MTMR8: variants seen among roughly 807,000 people sequenced by gnomAD.
MTMR8 encodes myotubularin related protein 8.
In MTMR8, 65 loss-of-function variants were observed where a neutral mutation model predicts 39.3. The ratio of observed to expected loss-of-function variants is 1.65; its 90% confidence interval spans 1.35 to 2.03. MTMR8 has a LOEUF of 2.03. Among genes scored for constraint, MTMR8 ranks in the 30% most tolerant of loss-of-function variants. MTMR8 has a pLI of 0.00. For missense variants in MTMR8, 777 were observed against 538.9 expected, an observed-to-expected ratio of 1.44 and a Z score of -4.37; for synonymous variants, 245 against 185.2, an observed-to-expected ratio of 1.32 and a Z score of -2.62.
At chrX:64,331,443 ATTG>A (rs1922935992) in intron 11 of MTMR8, 111 bp downstream of exon 11, 1 of 614,069 alleles carries the variant, frequency 1.6e-6, no homozygotes, top group Middle Eastern at 4.8e-4. Context: ...TCTTTTTATT[ATTG>A]TTATCTCCTC....
intron 8 of MTMR8, 32 bp downstream of exon 8, chrX:64,343,579 T>A: frequency 1.1e-6 from 1 of 933,197 alleles, no homozygotes; most frequent in Non-Finnish European, 1.5e-6. Flanking sequence ...ATAATTAAAG[T>A]CAGTGCAAAT....
At chrX:64,325,976 G>C (rs1246302539) in intron 12 of MTMR8, among the ~76,000 whole-genome samples, 1 of 111,584 alleles carries the variant, frequency 9.0e-6, no homozygotes, top group Non-Finnish European at 1.9e-5. Context: ...TTAACTACCA[G>C]TAGCCCACTG....
At chrX:64,285,416 A>G (rs1403713853) in intron 12 of MTMR8, among the ~76,000 whole-genome samples, 1 of 111,285 alleles carries the variant, frequency 9.0e-6, no homozygotes, top group Non-Finnish European at 1.9e-5. Flanking sequence ...CAGATCAACG[A>G]GACAGAAAGT....
intron 3 of MTMR8, among the ~76,000 whole-genome samples, chrX:64,355,176 C>A (rs1416684142): frequency 1.8e-5 from 2 of 111,522 alleles, no homozygotes; most frequent in Non-Finnish European, 3.8e-5. Flanking sequence ...GATCTTTCTG[C>A]CTGGCTTCCT....
At chrX:64,371,381 G>A (rs936155596) in intron 1 of MTMR8, among the ~76,000 whole-genome samples, 3 of 111,804 alleles carry the variant, frequency 2.7e-5, no homozygotes, top group Non-Finnish European at 5.7e-5. Context: ...TATTTTATAC[G>A]TATTAAATTT....
intron 1 of MTMR8, among the ~76,000 whole-genome samples, chrX:64,367,309 AAG>A (rs1923994855): frequency 8.9e-6 from 1 of 112,054 alleles, no homozygotes; most frequent in Non-Finnish European, 1.9e-5. Context: ...ACAACAAAAA[AAG>A]AGAATTTTAG....
At chrX:64,392,155 C>T (rs1458996304) in intron 1 of MTMR8, among the ~76,000 whole-genome samples, 2 of 111,401 alleles carry the variant, frequency 1.8e-5, no homozygotes, top group Non-Finnish European at 3.8e-5. Context: ...ATACATAGGT[C>T]GTGGGAATGT....
chrX:64,288,128 C>T (rs774621584), intron 12 of MTMR8, among the ~76,000 whole-genome samples: 1 of 102,816 alleles, frequency 9.7e-6, no homozygotes, highest in African/African-American at 3.5e-5. Context: ...CGGCTAACAT[C>T]CAGAATCTAA....
chrX:64,287,506 A>G (rs1921229430), intron 12 of MTMR8, among the ~76,000 whole-genome samples: 1 of 111,414 alleles, frequency 9.0e-6, no homozygotes, highest in African/African-American at 3.3e-5. Context: ...CCGCATTGCC[A>G]AGTCAATCCT....
intron 12 of MTMR8, 32 bp from the exon 13 acceptor site, chrX:64,271,105 G>A (rs1216472639): frequency 1.7e-6 from 2 of 1,163,004 alleles, no homozygotes; most frequent in Non-Finnish European, 2.3e-6. Context: ...GGAAAAGTGG[G>A]TTAGTTTAGC....
chrX:64,387,486 C>T (rs1924590140), intron 1 of MTMR8, among the ~76,000 whole-genome samples: 1 of 110,796 alleles, frequency 9.0e-6, no homozygotes, highest in African/African-American at 3.3e-5. Flanking sequence ...AGTATGTCTC[C>T]CAAAGGCAGG....
chrX:64,370,397 C>T (rs141542800), intron 1 of MTMR8, among the ~76,000 whole-genome samples: 1,218 of 109,181 alleles, frequency 0.011, 6 homozygotes, highest in Non-Finnish European at 0.017. Context: ...AAAGGAAAGG[C>T]GAGATGCTTG....
At chrX:64,395,193 G>T (rs960200874) in intron 1 of MTMR8, 147 bp downstream of exon 1, 16 of 573,650 alleles carry the variant, frequency 2.8e-5, no homozygotes, top group Middle Eastern at 6.9e-4. Flanking sequence ...TTGAAAGGGG[G>T]TGTGGACCCA....
chrX:64,275,494 G>A (rs182574754), intron 12 of MTMR8, among the ~76,000 whole-genome samples: 2 of 108,955 alleles, frequency 1.8e-5, no homozygotes, highest in African/African-American at 6.7e-5. Flanking sequence ...CCAGGAGTTC[G>A]AGACCAGCCT....
At chrX:64,321,259 T>C (rs1385181090) in intron 12 of MTMR8, among the ~76,000 whole-genome samples, 1 of 112,081 alleles carries the variant, frequency 8.9e-6, no homozygotes, top group Non-Finnish European at 1.9e-5. Flanking sequence ...GACTTGCTAG[T>C]CAACAAATTT....
At chrX:64,337,094 G>GA (rs369097078) in intron 9 of MTMR8, among the ~76,000 whole-genome samples, 174 bp downstream of exon 9, 3 of 111,983 alleles carry the variant, frequency 2.7e-5, no homozygotes, top group African/African-American at 9.7e-5. Flanking sequence ...ACATACAAAA[G>GA]AAAGTATACA....
At chrX:64,351,150 A>G in intron 4 of MTMR8, among the ~76,000 whole-genome samples, 1 of 110,943 alleles carries the variant, frequency 9.0e-6, no homozygotes, top group Non-Finnish European at 1.9e-5. Flanking sequence ...TACACATCAA[A>G]AAGACCAACA....
At chrX:64,319,053 T>C (rs1248966960) in intron 12 of MTMR8, among the ~76,000 whole-genome samples, 1 of 111,854 alleles carries the variant, frequency 8.9e-6, no homozygotes, top group Non-Finnish European at 1.9e-5. Flanking sequence ...ACATGTAAAC[T>C]ACCTTCGCTT....
Position 64,358,419 on chromosome X carries a change from G to T in MTMR8, c.147+986C>A, listed in dbSNP as rs1021032130. The stretch of plus-strand genomic sequence containing the variant: ...CAATTCATTTTATACTTATATGATA[G>T]TATTTACCATGTTCCAGGCATTGTT... On this transcript the variant is annotated intron_variant, in intron 2 of 13. Coordinates refer to ENST00000374852, the MANE Select transcript of MTMR8 (RefSeq NM_017677.4). Among the ~76,000 whole-genome samples, 3 of 112,053 alleles carry T rather than the reference G, an allele frequency of 2.7e-5. 1 individual carries two copies. The highest frequency in any genetic ancestry group is 5.6e-5 in the Non-Finnish European group (3 of 53,160).
Sources: gnomAD v4.1 joint callset for allele counts (sites outside exome capture counted in the v4.1 genomes callset) on GRCh38, gnomAD v4.1.1 for gene constraint, MANE v1.5 for transcripts, NCBI Gene and HGNC (gene_info 2026-07-23, HGNC 2026-07-21) for gene names.